The following ATP1A1 variants were observed in gnomAD, a reference collection of about 807,000 sequenced individuals.
ATP1A1 encodes ATPase Na+/K+ transporting subunit alpha 1.
A neutral mutation model predicts 114.8 loss-of-function variants in ATP1A1; 14 were observed. That is an observed-to-expected ratio of 0.12 (90% CI 0.08 to 0.19). The LOEUF is 0.19. Among genes scored for constraint, ATP1A1 ranks in the 10% least tolerant of loss-of-function variants. ATP1A1 has a pLI of 1.00. For missense variants in ATP1A1, 524 were observed against 1,290.7 expected, an observed-to-expected ratio of 0.41 and a Z score of 9.10; for synonymous variants, 471 against 466.3, an observed-to-expected ratio of 1.01 and a Z score of -0.13.
chr1:116,399,039 A>G lies in ATP1A1; in HGVS notation c.2403A>G (p.Pro801=), dbSNP rs1229877916. 5 of 1,613,956 alleles carry G rather than the reference A, an allele frequency of 3.1e-6. No homozygotes were observed. The highest frequency in any genetic ancestry group is 4.2e-6 in the Non-Finnish European group (5 of 1,180,012). ...LIFIIANIPL[P]LGTVTILCID... is the part of the protein sequence containing the mutation. Reference sequence around the variant, plus strand: ...TTATTATTGCAAACATTCCACTACCACTGGGGACTGTCACCATCCTCTGCA... The same window carrying G: ...TTATTATTGCAAACATTCCACTACCGCTGGGGACTGTCACCATCCTCTGCA... Residue 801 remains proline, a synonymous_variant, in exon 17 of 23, where the codon CCA becomes CCG. Transcript: ENST00000295598. The surrounding 1 kb of genome is among the most constrained non-coding windows in gnomAD (Gnocchi z 5.0).
At position 116,389,032 on chromosome 1, in the gene ATP1A1, T is replaced by G. The variant is rs753732224; in HGVS notation, c.754+13T>G. On this transcript the variant is annotated intron_variant, in intron 7 of 22. Transcript: ENST00000295598. This position sits in a 1 kb window ranked among gnomAD's most constrained non-coding sequence, Gnocchi z 6.9. ...AATTGTGTTGAAGGTAGGCCATTTT[T>G]GGGCACTTTGAGCATGGCGTGGTAT... The G allele has an allele frequency of 2.5e-6, 4 of 1,606,276 alleles. No individual in the cohort carries two copies. The highest frequency in any genetic ancestry group is 2.2e-5 in the East Asian group (1 of 44,850).
intron 1 of ATP1A1, among the ~76,000 whole-genome samples, chr1:116,379,544 G>A (rs938257118): frequency 6.6e-6 from 1 of 152,196 alleles, no homozygotes; most frequent in Non-Finnish European, 1.5e-5. Flanking sequence ...GGAGCAAATG[G>A]AGATGTAATA....
At chr1:116,392,082 T>C (rs10924080) in intron 10 of ATP1A1, among the ~76,000 whole-genome samples, 4,136 of 152,352 alleles carry the variant, frequency 0.027, 194 homozygotes, top group African/African-American at 0.092. Flanking sequence ...AGCATTGATC[T>C]GTTCATCTGC....
Position 116,393,089 on chromosome 1 carries a change from A to T in ATP1A1, c.1467+101A>T, listed in dbSNP as rs1432804746. ...GGAAATATTCTCCCTTTGGAGTTTT[A>T]TAAGCTTTAGCTTTAAATTTTGCCC... is the stretch of plus-strand genomic sequence containing the variant. On this transcript the variant is annotated intron_variant, in intron 11 of 22. Coordinates refer to ENST00000295598, the MANE Select transcript of ATP1A1 (RefSeq NM_000701.8). The surrounding 1 kb of genome is among the most constrained non-coding windows in gnomAD (Gnocchi z 5.0). 42 of 1,517,450 alleles carry T rather than the reference A, an allele frequency of 2.8e-5. No individual in the cohort carries two copies. The highest frequency in any genetic ancestry group is 3.7e-5 in the Non-Finnish European group (42 of 1,127,088). The allele number at this position is 1,517,450 out of a possible 1,614,324, so 94.0% of individuals were successfully genotyped here. A position where few individuals can be genotyped will look rare whatever the true frequency, so the allele number is the denominator to read the frequency against.
chr1:116,398,811 C>T lies in ATP1A1; in HGVS notation c.2293+22C>T. 6.2e-7 allele frequency: 1 copy of T among 1,612,628 alleles called. No homozygotes were observed. Among genetic ancestry groups the T allele is most frequent in the Non-Finnish European group, 8.5e-7 (1 of 1,178,870 alleles). Reference sequence around the variant, plus strand: ...GAAGGTGAGAGCTATTTAAGGTGTACACCAAGATCTTATTCAGATACTGCC... The same window carrying T: ...GAAGGTGAGAGCTATTTAAGGTGTATACCAAGATCTTATTCAGATACTGCC... On this transcript the variant is annotated intron_variant, in intron 16 of 22. Transcript: ENST00000295598. This position sits in a 1 kb window ranked among gnomAD's most constrained non-coding sequence, Gnocchi z 6.1.
chr1:116,384,873 A>G lies in ATP1A1; in HGVS notation c.183+31A>G. 1 of 1,606,864 alleles carries G rather than the reference A, an allele frequency of 6.2e-7. No individual in the cohort carries two copies. On this transcript the variant is annotated intron_variant, in intron 3 of 22. Transcript: ENST00000295598. The surrounding 1 kb of genome is among the most constrained non-coding windows in gnomAD (Gnocchi z 5.1). Reference sequence around the variant, plus strand: ...TTCTAGTTTGAAAGCTGTTGTACAAAATCCTAGTTTTCCGTATTATATTTT... The same window carrying G: ...TTCTAGTTTGAAAGCTGTTGTACAAGATCCTAGTTTTCCGTATTATATTTT...
rs374360169 is a variant in ATP1A1 at position 116,399,589 on chromosome 1, G to T, written c.2572+46G>T. ...GGAAGCTGGCACATCTAAGGCATCT[G>T]AGGTGATGGTGTCCACCTCAGGTTG... On this transcript the variant is annotated intron_variant, in intron 18 of 22. Transcript: ENST00000295598. This position sits in a 1 kb window ranked among gnomAD's most constrained non-coding sequence, Gnocchi z 5.0. 29 of 1,610,122 alleles carry T rather than the reference G, an allele frequency of 1.8e-5. No individual in the cohort carries two copies. In the African/African-American group the frequency reaches 3.5e-4, roughly 19 times the overall value.
In ATP1A1 at chr1:116,398,908, T is replaced by TA; in HGVS notation, c.2294-16dup. 2 of 1,613,880 alleles carry TA rather than the reference T, an allele frequency of 1.2e-6. No homozygotes were observed. Among genetic ancestry groups the TA allele is most frequent in the Non-Finnish European group, 1.7e-6 (2 of 1,179,762 alleles). On this transcript the variant is annotated intron_variant, in intron 16 of 22. Coordinates refer to ENST00000295598, the MANE Select transcript of ATP1A1 (RefSeq NM_000701.8). The surrounding 1 kb of genome is among the most constrained non-coding windows in gnomAD (Gnocchi z 6.1). ...GTGTGCTTGTCTCATAAGCTAACAG[T>TA]AAAAAATCTTGGTTTTCATAGGTCG...
At chr1:116,373,603 C>T in intron 1 of ATP1A1, 80 bp downstream of exon 1, 1 of 1,294,956 alleles carries the variant, frequency 7.7e-7, no homozygotes, top group Non-Finnish European at 1.0e-6. Context: ...GCGACCGCGG[C>T]CAGCGGGAGG....
chr1:116,389,828 T>C lies in ATP1A1; in HGVS notation c.1023+121T>C. ...TTATTCTGGATGTTTGATATAGTTC[T>C]TCTTGAGAGCCACATCACGTGGTGA... On this transcript the variant is annotated intron_variant, in intron 8 of 22. Transcript: ENST00000295598. The surrounding 1 kb of genome is among the most constrained non-coding windows in gnomAD (Gnocchi z 6.9). 1 of 1,379,346 alleles carries C rather than the reference T, an allele frequency of 7.2e-7. No homozygotes were observed. The highest frequency in any genetic ancestry group is 9.7e-7 in the Non-Finnish European group (1 of 1,027,438). The allele number at this position is 1,379,346 out of a possible 1,614,324, so 85.4% of individuals were successfully genotyped here.
At position 116,384,898 on chromosome 1, in the gene ATP1A1, T is replaced by TC. The variant is rs1468382769; in HGVS notation, c.183+60dup. The TC allele has an allele frequency of 6.4e-7, 1 of 1,562,440 alleles. No individual in the cohort carries two copies. Among genetic ancestry groups the TC allele is most frequent in the East Asian group, 2.2e-5 (1 of 44,592 alleles). On this transcript the variant is annotated intron_variant, in intron 3 of 22. Coordinates refer to ENST00000295598, the MANE Select transcript of ATP1A1 (RefSeq NM_000701.8). The surrounding 1 kb of genome is among the most constrained non-coding windows in gnomAD (Gnocchi z 5.1). ...AATCCTAGTTTTCCGTATTATATTT[T>TC]CCCCTGTATTACATACAGGTCTAAC...
intron 1 of ATP1A1, chr1:116,383,335 G>A: frequency 9.3e-7 from 1 of 1,069,988 alleles, no homozygotes; most frequent in Non-Finnish European, 1.1e-6. Context: ...GTAAAGGTCA[G>A]TGTTCTTATG....
At chr1:116,373,834 G>C (rs1651162428) in intron 1 of ATP1A1, 1 of 1,254,132 alleles carries the variant, frequency 8.0e-7, no homozygotes, top group Non-Finnish European at 1.0e-6. Flanking sequence ...GGCGGTGCTT[G>C]GGAAGCCTCG....
At position 116,384,208 on chromosome 1, in the gene ATP1A1, A is replaced by G; in HGVS notation, c.123+84A>G. On this transcript the variant is annotated intron_variant, in intron 2 of 22. Coordinates refer to ENST00000295598, the MANE Select transcript of ATP1A1 (RefSeq NM_000701.8). The surrounding 1 kb of genome is among the most constrained non-coding windows in gnomAD (Gnocchi z 5.1). ...CCCCAGGCCTCACTGTATTCTTCAAAGAACTGCTATATATTAAAAGAGATC... is the reference window on the plus strand; with the variant it reads ...CCCCAGGCCTCACTGTATTCTTCAAGGAACTGCTATATATTAAAAGAGATC... 9.3e-7 allele frequency: 1 copy of G among 1,077,944 alleles called. No homozygotes were observed. The highest frequency in any genetic ancestry group is 2.5e-5 in the East Asian group (1 of 39,326). 66.8% of individuals were successfully genotyped at this position (1,077,944 alleles called of 1,614,324 possible). A position where few individuals can be genotyped will look rare whatever the true frequency, so the allele number is the denominator to read the frequency against.
In ATP1A1 at chr1:116,390,685, C is replaced by A; in HGVS notation, c.1223-97C>A. 4 of 1,011,550 alleles carry A rather than the reference C, an allele frequency of 4.0e-6. No homozygotes were observed. In the South Asian group the frequency reaches 4.3e-5, roughly 11 times the overall value. The allele number at this position is 1,011,550 out of a possible 1,614,324, so 62.7% of individuals were successfully genotyped here. On this transcript the variant is annotated intron_variant, in intron 9 of 22. Transcript: ENST00000295598. ...TCATTAATTGGGAAATGAGATGTAT[C>A]ACTGCAGATTTCTATGGGACTTTAA...
intron 1 of ATP1A1, among the ~76,000 whole-genome samples, chr1:116,382,968 TG>T (rs1651844874): frequency 1.3e-5 from 2 of 152,220 alleles, no homozygotes; most frequent in Non-Finnish European, 2.9e-5. Flanking sequence ...GGGAGGTGTC[TG>T]GAACAAGGGG....
chr1:116,373,867 A>C (rs1337113968), intron 1 of ATP1A1: 1 of 1,257,432 alleles, frequency 8.0e-7, no homozygotes, highest in Non-Finnish European at 1.0e-6. Context: ...GGGGGCTTGC[A>C]GCAGCGGGGG....
Position 116,404,487 on chromosome 1 carries a change from G to A in ATP1A1, c.*43G>A. On this transcript the variant is annotated 3_prime_UTR_variant, in exon 23 of 23. Coordinates refer to ENST00000295598, the MANE Select transcript of ATP1A1 (RefSeq NM_000701.8). The surrounding 1 kb of genome is among the most constrained non-coding windows in gnomAD (Gnocchi z 4.8). ...CGTGGAGCATCAGGCCACACACTCT[G>A]CATCCGACACCCACCCCCTCTTTGT... 1.3e-6 allele frequency: 2 copies of A among 1,584,378 alleles called. No individual in the cohort carries two copies. The highest frequency in any genetic ancestry group is 1.7e-6 in the Non-Finnish European group (2 of 1,169,704).
intron 1 of ATP1A1, chr1:116,383,366 A>T: frequency 9.6e-7 from 1 of 1,044,386 alleles, no homozygotes; most frequent in South Asian, 2.7e-5. Flanking sequence ...AGATATTTAA[A>T]TTTGATATGT....
Sources: gnomAD v4.1 joint callset for allele counts (sites outside exome capture counted in the v4.1 genomes callset) on GRCh38, gnomAD v4.1.1 for gene constraint, Gnocchi (gnomAD v3.1) non-coding constraint, MANE v1.5 for transcripts, NCBI Gene and HGNC (gene_info 2026-07-23, HGNC 2026-07-21) for gene names.